The following ZNF536 variants were observed in gnomAD, a reference collection of about 807,000 sequenced individuals.
ZNF536 encodes the protein zinc finger protein 536.
ZNF536 carries 13 observed loss-of-function variants against 84.5 expected under a neutral mutation model. That is an observed-to-expected ratio of 0.15 (90% CI 0.10 to 0.24). ZNF536 has a LOEUF of 0.24. ZNF536 is among the 10% of genes least tolerant of loss of function. ZNF536 has a pLI of 1.00. For missense variants in ZNF536, 1,536 were observed against 1,747.5 expected, an observed-to-expected ratio of 0.88 and a Z score of 2.16; for synonymous variants, 811 against 742.5, an observed-to-expected ratio of 1.09 and a Z score of -1.50.
At chr19:30,452,799 G>A (rs1443521117) in intron 2 of ZNF536, among the ~76,000 whole-genome samples, 1 of 152,076 alleles carries the variant, frequency 6.6e-6, no homozygotes, top group Non-Finnish European at 1.5e-5. Context: ...GTGACCCTTG[G>A]GCCTGTTTGC....
intron 1 of ZNF536, among the ~76,000 whole-genome samples, chr19:30,253,740 A>G (rs1457641531): frequency 6.6e-6 from 1 of 152,070 alleles, no homozygotes; most frequent in Non-Finnish European, 1.5e-5. Context: ...TGGCGCCGAC[A>G]GCTCCAGCCG....
At chr19:30,483,247 T>G (rs1339954945) in intron 2 of ZNF536, among the ~76,000 whole-genome samples, 1 of 152,180 alleles carries the variant, frequency 6.6e-6, no homozygotes, top group African/African-American at 2.4e-5. Context: ...GTTCCTAGGG[T>G]GCCAGGTCAG....
chr19:30,656,933 T>C (rs762697029), intron 1 of ZNF536, among the ~76,000 whole-genome samples: 3 of 152,212 alleles, frequency 2.0e-5, no homozygotes, highest in Non-Finnish European at 4.4e-5. Context: ...TTCTTTCCTT[T>C]AGTTATCTCC....
At chr19:30,691,982 G>T (rs1677185505) in intron 1 of ZNF536, among the ~76,000 whole-genome samples, 1 of 152,186 alleles carries the variant, frequency 6.6e-6, no homozygotes, top group African/African-American at 2.4e-5. Flanking sequence ...TCCAGAGACC[G>T]GGGGTCTTTG....
chr19:30,442,209 C>A (rs1178363330), intron 1 of ZNF536, among the ~76,000 whole-genome samples: 1 of 152,242 alleles, frequency 6.6e-6, no homozygotes, highest in Non-Finnish European at 1.5e-5. Flanking sequence ...CATTGCCTTG[C>A]AAAGCTGAGC....
chr19:30,391,146 C>T (rs1030629285), intron 1 of ZNF536, among the ~76,000 whole-genome samples: 31 of 152,164 alleles, frequency 2.0e-4, no homozygotes, highest in Non-Finnish European at 3.5e-4. Flanking sequence ...CCTCCCAACA[C>T]GGCCAAATCA....
At chr19:30,641,477 C>T (rs932145879) in intron 1 of ZNF536, among the ~76,000 whole-genome samples, 4 of 152,142 alleles carry the variant, frequency 2.6e-5, no homozygotes, top group East Asian at 1.9e-4. Context: ...GTTATTAAAA[C>T]GTATATGTAT....
Position 30,394,738 on chromosome 19 carries a change from A to C in ZNF536, c.-3+22182A>C, listed in dbSNP as rs558545189. ...TTCAGCCTCACCTTTCCAAGGGAGAATCACCATTTATGAACTGGACTTACA... is the reference window on the plus strand; with the variant it reads ...TTCAGCCTCACCTTTCCAAGGGAGACTCACCATTTATGAACTGGACTTACA... On this transcript the variant is annotated intron_variant, in intron 1 of 4. Transcript: ENST00000355537. Among the ~76,000 whole-genome samples, 5 of 152,244 alleles carry C rather than the reference A, an allele frequency of 3.3e-5. No homozygotes were observed. The South Asian group carries it at 1.0e-3, about 32-fold the overall frequency.
At chr19:30,243,072 A>T (rs1243485759) in intron 1 of ZNF536, among the ~76,000 whole-genome samples, 1 of 152,208 alleles carries the variant, frequency 6.6e-6, no homozygotes, top group Admixed American at 6.5e-5. Context: ...TATGACTTTT[A>T]TTACACTTTT....
upstream of ZNF536, among the ~76,000 whole-genome samples, chr19:30,227,337 C>G: frequency 6.6e-6 from 1 of 151,578 alleles, no homozygotes. Context: ...CCACCGTTCC[C>G]GAGTTAGGTG....
chr19:30,249,054 T>G (rs1435242870), intron 1 of ZNF536, among the ~76,000 whole-genome samples: 1 of 152,190 alleles, frequency 6.6e-6, no homozygotes, highest in Non-Finnish European at 1.5e-5. Context: ...GATTTGATCT[T>G]AAAGGATGCC....
chr19:30,497,547 A>G (rs185423547), intron 2 of ZNF536, among the ~76,000 whole-genome samples: 2 of 152,212 alleles, frequency 1.3e-5, no homozygotes, highest in Non-Finnish European at 2.9e-5. Flanking sequence ...CCTCATGTTA[A>G]CAGAGCCATA....
chr19:30,432,281 A>G (rs1448600631), intron 1 of ZNF536, among the ~76,000 whole-genome samples: 2 of 152,116 alleles, frequency 1.3e-5, no homozygotes, highest in Admixed American at 1.3e-4. Flanking sequence ...CCTCTCCGGC[A>G]TGGTGACTGA....
intron 1 of ZNF536, among the ~76,000 whole-genome samples, chr19:30,629,441 C>T (rs1381722101): frequency 6.6e-6 from 1 of 152,182 alleles, no homozygotes; most frequent in Non-Finnish European, 1.5e-5. Flanking sequence ...AGCCATTCAC[C>T]CACCTCGGCC....
At chr19:30,443,499 C>A (rs2148141203) in intron 1 of ZNF536, 62 bp from the exon 2 acceptor site, 1 of 1,496,702 alleles carries the variant, frequency 6.7e-7, no homozygotes, top group Non-Finnish European at 8.9e-7. Flanking sequence ...CCCGCCAATG[C>A]TGTTGATTCA....
intron 1 of ZNF536, among the ~76,000 whole-genome samples, chr19:30,600,957 A>G (rs1007275892): frequency 6.6e-6 from 1 of 152,192 alleles, no homozygotes; most frequent in African/African-American, 2.4e-5. Flanking sequence ...TAATTGAGCA[A>G]CTACTTTCTG....
intron 2 of ZNF536, among the ~76,000 whole-genome samples, chr19:30,513,146 CA>C (rs1180748744): frequency 1.3e-5 from 2 of 152,052 alleles, no homozygotes; most frequent in African/African-American, 2.4e-5. Context: ...ATCATAGAAT[CA>C]AAACCACAAA....
At chr19:30,283,093 A>G (rs768437583) in intron 1 of ZNF536, among the ~76,000 whole-genome samples, 4 of 152,226 alleles carry the variant, frequency 2.6e-5, no homozygotes, top group Non-Finnish European at 5.9e-5. Context: ...CCAGTCCTAC[A>G]AATGTATCTT....
chr19:30,228,797 CG>C lies in ZNF536; in HGVS notation c.-190+127del, dbSNP rs1339479244. 4 of 150,992 alleles carry C rather than the reference CG, an allele frequency of 2.6e-5. No homozygotes were observed. The highest frequency in any genetic ancestry group is 5.9e-5 in the Non-Finnish European group (4 of 67,724). The allele number at this position is 150,992 out of a possible 1,614,324, so 9.4% of individuals were successfully genotyped here. On this transcript the variant is annotated intron_variant, in intron 1 of 5. Transcript: ENST00000585628. This position sits in a 1 kb window ranked among gnomAD's most constrained non-coding sequence, Gnocchi z 4.5. Reference sequence around the variant, plus strand: ...TGTGGGCGGCTGGGCGGCTGGGCGGCGGGAGGACGGCCTCCGCGGGCTCCGG... The same window carrying C: ...TGTGGGCGGCTGGGCGGCTGGGCGGCGGAGGACGGCCTCCGCGGGCTCCGG...
Sources: allele counts gnomAD v4.1 joint callset (sites outside exome capture counted in the v4.1 genomes callset), GRCh38; gene constraint gnomAD v4.1.1; non-coding constraint Gnocchi (gnomAD v3.1); transcripts MANE v1.5; gene names NCBI Gene and HGNC (gene_info 2026-07-23, HGNC 2026-07-21).